LARGE1: variants seen among roughly 807,000 people sequenced by gnomAD.
LARGE1 encodes xylosyl- and glucuronyltransferase LARGE1.
In LARGE1, 43 loss-of-function variants were observed where a neutral mutation model predicts 87.6. That is an observed-to-expected ratio of 0.49 (90% CI 0.38 to 0.63). The LOEUF (loss-of-function observed/expected upper bound fraction) is 0.63, where lower values mean the gene tolerates loss of function less well. Ranked by LOEUF, LARGE1 falls within the 30% of genes least tolerant of loss-of-function variation. The pLI, the probability that LARGE1 is intolerant of heterozygous loss-of-function variation, is 0.00. For synonymous variants in LARGE1, 434 were observed against 394.6 expected (o/e 1.10, Z -1.18); for missense variants, 802 against 1,000.2 (o/e 0.80, Z 2.67).
chr22:33,654,373 G>A (rs552409435), intron 2 of LARGE1, among the ~76,000 whole-genome samples: 12 of 151,906 alleles, frequency 7.9e-5, no homozygotes, highest in Admixed American at 3.9e-4. Flanking sequence ...TCTGAAAGGC[G>A]GGGCCCTGGA....
chr22:33,691,176 A>G (rs1166954944), intron 2 of LARGE1, among the ~76,000 whole-genome samples: 1 of 152,086 alleles, frequency 6.6e-6, no homozygotes, highest in Non-Finnish European at 1.5e-5. Flanking sequence ...GCTCTGGGCA[A>G]CTGTTTTCCA....
chr22:33,563,904 C>A (rs1161704529), intron 6 of LARGE1, among the ~76,000 whole-genome samples: 7 of 152,048 alleles, frequency 4.6e-5, no homozygotes, highest in Non-Finnish European at 5.9e-5. Flanking sequence ...CAGGGAGTGA[C>A]CAGGGCAAGC....
At chr22:33,548,419 T>TTTCC (rs1555953514) in intron 6 of LARGE1, among the ~76,000 whole-genome samples, 6 of 150,574 alleles carry the variant, frequency 4.0e-5, no homozygotes, top group African/African-American at 1.5e-4. Flanking sequence ...AGGCATTCCG[T>TTTCC]TTTTTTTTTC....
intron 11 of LARGE1, among the ~76,000 whole-genome samples, chr22:33,307,953 G>A (rs1602342065): frequency 1.3e-5 from 2 of 152,044 alleles, no homozygotes; most frequent in East Asian, 3.9e-4. Context: ...TTTGCTGGAT[G>A]AGTCCATGGA....
At chr22:33,343,926 G>A (rs1392197657) in intron 9 of LARGE1, among the ~76,000 whole-genome samples, 2 of 152,178 alleles carry the variant, frequency 1.3e-5, no homozygotes, top group Admixed American at 1.3e-4. Flanking sequence ...GCAAGCTGAG[G>A]AGCAAAGAGA....
At chr22:33,624,542 A>G (rs2079859950) in intron 4 of LARGE1, among the ~76,000 whole-genome samples, 1 of 152,102 alleles carries the variant, frequency 6.6e-6, no homozygotes, top group Non-Finnish European at 1.5e-5. Flanking sequence ...GGGTAGACAG[A>G]GCAGCATAAC....
At chr22:33,867,403 C>G (rs969325739) in intron 1 of LARGE1, among the ~76,000 whole-genome samples, 1 of 152,140 alleles carries the variant, frequency 6.6e-6, no homozygotes, top group African/African-American at 2.4e-5. Flanking sequence ...GACCAAACAG[C>G]CTTTCACTGG....
intron 2 of LARGE1, among the ~76,000 whole-genome samples, chr22:33,699,561 A>G (rs920028852): frequency 2.0e-5 from 3 of 152,258 alleles, no homozygotes; most frequent in African/African-American, 2.4e-5. Flanking sequence ...AGACAGATGC[A>G]GGAGATGACA....
At chr22:33,570,079 C>A (rs1462953712) in intron 5 of LARGE1, among the ~76,000 whole-genome samples, 2 of 152,310 alleles carry the variant, frequency 1.3e-5, no homozygotes, top group East Asian at 3.9e-4. Flanking sequence ...ACTGGTTCTA[C>A]TTTTAATGAG....
the LARGE1 span, among the ~76,000 whole-genome samples, chr22:33,108,076 C>G: frequency 1.3e-5 from 2 of 152,166 alleles, no homozygotes; most frequent in South Asian, 4.1e-4. Flanking sequence ...AACCACCAAT[C>G]AGGTTCTATG....
At chr22:33,672,337 C>T (rs1382135180) in intron 2 of LARGE1, among the ~76,000 whole-genome samples, 3 of 152,348 alleles carry the variant, frequency 2.0e-5, no homozygotes, top group Admixed American at 2.0e-4. Context: ...AACCCTTCCA[C>T]CTCATTCCTG....
At chr22:33,772,791 T>C (rs761238634) in intron 1 of LARGE1, among the ~76,000 whole-genome samples, 2 of 152,198 alleles carry the variant, frequency 1.3e-5, no homozygotes, top group Non-Finnish European at 2.9e-5. Context: ...AAACCATGAC[T>C]ACTTTATATT....
chr22:33,379,265 T>TC (rs112802683), intron 9 of LARGE1, among the ~76,000 whole-genome samples: 47,505 of 148,558 alleles, frequency 0.32, 11,037 homozygotes, highest in African/African-American at 0.66. Context: ...TTTCTTTCTT[T>TC]TTTTTTTTTT....
At chr22:33,256,594 C>A (rs1041511039) in intron 11 of LARGE1, among the ~76,000 whole-genome samples, 1 of 152,154 alleles carries the variant, frequency 6.6e-6, no homozygotes, top group African/African-American at 2.4e-5. Flanking sequence ...CAATGCCAGA[C>A]TTCCATTCCC....
intron 11 of LARGE1, among the ~76,000 whole-genome samples, chr22:33,187,128 C>G: frequency 6.6e-6 from 1 of 152,156 alleles, no homozygotes; most frequent in Non-Finnish European, 1.5e-5. Flanking sequence ...ATCCAGCAGT[C>G]CCACGACTGG....
At chr22:33,626,751 G>A (rs536957192) in intron 3 of LARGE1, among the ~76,000 whole-genome samples, 1 of 152,374 alleles carries the variant, frequency 6.6e-6, no homozygotes, top group South Asian at 2.1e-4. Context: ...CCCACAAGAT[G>A]TGTTGGGTTA....
chr22:33,890,823 C>A (rs952340959), intron 1 of LARGE1, among the ~76,000 whole-genome samples: 6 of 151,816 alleles, frequency 4.0e-5, no homozygotes, highest in Admixed American at 2.0e-4. Flanking sequence ...CTCAGTTTCC[C>A]TAAAGCAACA....
At position 33,597,216 on chromosome 22, in the gene LARGE1, TAGAAAGA is replaced by T. The variant is rs2079000108; in HGVS notation, c.615+7212_615+7218del. On this transcript the variant is annotated intron_variant, in intron 5 of 14. Coordinates refer to ENST00000397394, the MANE Select transcript of LARGE1 (RefSeq NM_133642.5). ...TCCCATTCTGGGAAAAGCTATATGT[TAGAAAGA>T]AACATATGTGATCTCTTGTTGGGCA... 4.6e-5 allele frequency among the ~76,000 whole-genome samples: 7 copies of T among 150,938 alleles called. No individual in the cohort carries two copies. In the South Asian group the frequency reaches 8.4e-4, roughly 18 times the overall value.
chr22:33,911,011 T>G (rs562948266), intron 1 of LARGE1, among the ~76,000 whole-genome samples: 1 of 152,280 alleles, frequency 6.6e-6, no homozygotes, highest in African/African-American at 2.4e-5. Context: ...AAGCGTCAGT[T>G]TCCACATCTG....
Sources: gnomAD v4.1 joint callset for allele counts (sites outside exome capture counted in the v4.1 genomes callset) on GRCh38, gnomAD v4.1.1 for gene constraint, MANE v1.5 for transcripts, NCBI Gene and HGNC (gene_info 2026-07-23, HGNC 2026-07-21) for gene names.